The following CELF2 variants were observed in gnomAD, a reference collection of about 807,000 sequenced individuals.
CELF2 encodes CUG triplet repeat RNA-binding protein 2.
In CELF2, 8 loss-of-function variants were observed where a neutral mutation model predicts 62.6. That is an observed-to-expected ratio of 0.13 (90% CI 0.07 to 0.23). The LOEUF is 0.23. Ranked by LOEUF, CELF2 falls within the 10% of genes least tolerant of loss-of-function variation. CELF2 has a pLI of 1.00. For synonymous variants in CELF2, 258 were observed against 250.0 expected, an observed-to-expected ratio of 1.03 and a Z score of -0.30; for missense variants, 333 against 671.0, an observed-to-expected ratio of 0.50 and a Z score of 5.56.
rs1046880086 is a variant in CELF2, at chr10:11,223,276, T to C, written c.354+5769T>C. ...GAGCTTCCTGAGCCATGAGGAAACA[T>C]GCCTCAAAAGGCACTGTGTCTGCCT... On this transcript the variant is annotated intron_variant, in intron 3 of 12. Transcript: ENST00000633077. This position sits in a 1 kb window ranked among gnomAD's most constrained non-coding sequence, Gnocchi z 5.1. Among the ~76,000 whole-genome samples, 3 of 152,220 alleles carry C rather than the reference T, an allele frequency of 2.0e-5. No individual in the cohort carries two copies. The highest frequency in any genetic ancestry group is 4.8e-5 in the African/African-American group (2 of 41,450).
chr10:11,033,345 C>T (rs1448863671), intron 1 of CELF2, among the ~76,000 whole-genome samples: 1 of 152,012 alleles, frequency 6.6e-6, no homozygotes, highest in East Asian at 1.9e-4. Context: ...GCAACTTCCA[C>T]CCCCCAGGTT....
rs149808364 is a variant in CELF2, at chr10:11,026,139, C to G, written c.74+7976C>G. Reference sequence around the variant, plus strand: ...TGTTTTCTTGTTATGCAGACACATACGGTCCTCCGCGGACCACACCCCCTA... The same window carrying G: ...TGTTTTCTTGTTATGCAGACACATAGGGTCCTCCGCGGACCACACCCCCTA... On this transcript the variant is annotated intron_variant, in intron 1 of 12. Transcript: ENST00000633077. Among the ~76,000 whole-genome samples the G allele has an allele frequency of 2.0e-5, 3 of 152,320 alleles. No homozygotes were observed. The South Asian group carries it at 6.2e-4, about 32-fold the overall frequency.
the CELF2 span, among the ~76,000 whole-genome samples, chr10:10,532,212 C>T: frequency 3.3e-5 from 5 of 152,216 alleles, no homozygotes; most frequent in Non-Finnish European, 5.9e-5. Context: ...TTTGACGCTA[C>T]TGTAAAACTC....
intron 1 of CELF2, among the ~76,000 whole-genome samples, chr10:11,041,527 T>C (rs1593809199): frequency 6.6e-6 from 1 of 152,206 alleles, no homozygotes; most frequent in Non-Finnish European, 1.5e-5. Flanking sequence ...TCTTTTGTAA[T>C]GAGGATGAAA....
chr10:10,565,271 A>T, the CELF2 span, among the ~76,000 whole-genome samples: 1 of 152,220 alleles, frequency 6.6e-6, no homozygotes, highest in Non-Finnish European at 1.5e-5. Context: ...TTTTCCAGAA[A>T]ATGTTAAGAG....
At position 11,328,413 on chromosome 10, in the gene CELF2, C is replaced by G. The variant is rs1276366097; in HGVS notation, c.1439-513C>G. On this transcript the variant is annotated intron_variant, in intron 12 of 12. Coordinates refer to ENST00000633077, the MANE Select transcript of CELF2 (RefSeq NM_001326342.2). This position sits in a 1 kb window ranked among gnomAD's most constrained non-coding sequence, Gnocchi z 6.4. Reference sequence around the variant, plus strand: ...TCTGTGTGACAGACGATGGAGAGCTCGAGTGACAGGCTGGGGCTTGGCAGT... The same window carrying G: ...TCTGTGTGACAGACGATGGAGAGCTGGAGTGACAGGCTGGGGCTTGGCAGT... 6.6e-6 allele frequency among the ~76,000 whole-genome samples: 1 copy of G among 152,024 alleles called. No individual in the cohort carries two copies. The highest frequency in any genetic ancestry group is 1.5e-5 in the Non-Finnish European group (1 of 67,998).
chr10:10,656,198 A>G, the CELF2 span, among the ~76,000 whole-genome samples: 91 of 149,186 alleles, frequency 6.1e-4, 1 homozygote, highest in African/African-American at 1.8e-3. Context: ...TTAGAATGAC[A>G]ATCATTAAAA....
At chr10:10,542,969 T>C in the CELF2 span, among the ~76,000 whole-genome samples, 1 of 152,228 alleles carries the variant, frequency 6.6e-6, no homozygotes, top group African/African-American at 2.4e-5. Context: ...TTTCAGTCTC[T>C]CAGGCAGAAG....
intron 4 of CELF2, among the ~76,000 whole-genome samples, chr10:11,252,189 G>A (rs1223075843): frequency 1.3e-5 from 2 of 152,236 alleles, no homozygotes; most frequent in Admixed American, 1.3e-4. Flanking sequence ...TCTAAAGCGA[G>A]TGATAAAAGC....
the CELF2 span, among the ~76,000 whole-genome samples, chr10:10,774,099 G>T: frequency 6.6e-6 from 1 of 152,164 alleles, no homozygotes; most frequent in Admixed American, 6.6e-5. Context: ...ATGCTGCCTG[G>T]TAACTTCCTT....
intron 1 of CELF2, among the ~76,000 whole-genome samples, chr10:11,141,471 A>G (rs1350373591): frequency 6.6e-6 from 1 of 152,232 alleles, no homozygotes; most frequent in Non-Finnish European, 1.5e-5. Flanking sequence ...AAAGGCTTGA[A>G]GAGTACCTAC....
chr10:10,906,717 C>CTTTTTTTTTTT (rs397846553), intron 1 of CELF2, among the ~76,000 whole-genome samples: 52 of 109,268 alleles, frequency 4.8e-4, no homozygotes, highest in African/African-American at 7.1e-4. Flanking sequence ...TTTTTCTTTT[C>CTTTTTTTTTTT]TTTTTTTTTT....
chr10:11,320,488 T>C (rs1227540092), intron 10 of CELF2, among the ~76,000 whole-genome samples: 1 of 152,142 alleles, frequency 6.6e-6, no homozygotes. Flanking sequence ...ACCGAACGAG[T>C]AGCTTCAGCT....
rs988863644 is a variant in CELF2 at position 11,290,058 on chromosome 10, G to A, written c.976+1506G>A. On this transcript the variant is annotated intron_variant, in intron 9 of 12. Transcript: ENST00000633077. The surrounding 1 kb of genome is among the most constrained non-coding windows in gnomAD (Gnocchi z 4.3). The stretch of plus-strand genomic sequence containing the variant: ...TCTTCAGTCCAAAGGAGGCTTGACA[G>A]TTTAAGAAGCCAAATGCAGAAGCAG... Among the ~76,000 whole-genome samples the A allele has an allele frequency of 6.6e-6, 1 of 152,188 alleles. No homozygotes were observed. Among genetic ancestry groups the A allele is most frequent in the Non-Finnish European group, 1.5e-5 (1 of 68,034 alleles).
intron 1 of CELF2, among the ~76,000 whole-genome samples, chr10:11,021,934 C>T (rs1216034907): frequency 2.0e-5 from 3 of 152,144 alleles, no homozygotes; most frequent in Non-Finnish European, 4.4e-5. Flanking sequence ...GATTCCAATT[C>T]GGTTATTCCA....
Position 11,046,626 on chromosome 10 carries a change from T to A in CELF2, c.74+28463T>A, listed in dbSNP as rs2062900113. Among the ~76,000 whole-genome samples the A allele has an allele frequency of 6.6e-6, 1 of 152,126 alleles. No individual in the cohort carries two copies. The highest frequency in any genetic ancestry group is 2.1e-4 in the South Asian group (1 of 4,820). ...TTCATAGACTCCAAGGTTCTCCTCA[T>A]TTACCCTTTCTTTTCCTAACTCATT... On this transcript the variant is annotated intron_variant, in intron 1 of 12. Transcript: ENST00000633077. This position sits in a 1 kb window ranked among gnomAD's most constrained non-coding sequence, Gnocchi z 4.6.
the CELF2 span, among the ~76,000 whole-genome samples, chr10:10,725,246 T>A: frequency 6.6e-6 from 1 of 152,208 alleles, no homozygotes; most frequent in Non-Finnish European, 1.5e-5. Flanking sequence ...ATAATATAAC[T>A]ACATCAGTAA....
intron 2 of CELF2, among the ~76,000 whole-genome samples, chr10:11,189,077 AT>A (rs1470218586): frequency 6.6e-6 from 1 of 152,052 alleles, no homozygotes; most frequent in African/African-American, 2.4e-5. Flanking sequence ...CTGTATGATT[AT>A]TTTCTACTTC....
rs1217196287 is a variant in CELF2 at position 11,330,746 on chromosome 10, ATTTT to A, written c.*1698_*1701del. On this transcript the variant is annotated 3_prime_UTR_variant, in exon 13 of 13. Coordinates refer to ENST00000633077, the MANE Select transcript of CELF2 (RefSeq NM_001326342.2). The surrounding 1 kb of genome is among the most constrained non-coding windows in gnomAD (Gnocchi z 4.5). ...CCTGTGGCAAAAACGTTTCTTTCTT[ATTTT>A]TTTTCTTTTCCTAAAACAGACTTGA... 1 of 152,300 alleles carries A rather than the reference ATTTT, an allele frequency of 6.6e-6. No homozygotes were observed. Among genetic ancestry groups the A allele is most frequent in the Non-Finnish European group, 1.5e-5 (1 of 67,940 alleles). The allele number at this position is 152,300 out of a possible 1,614,324, so 9.4% of individuals were successfully genotyped here.
Sources: allele counts gnomAD v4.1 joint callset (sites outside exome capture counted in the v4.1 genomes callset), GRCh38; gene constraint gnomAD v4.1.1; non-coding constraint Gnocchi (gnomAD v3.1); transcripts MANE v1.5; gene names NCBI Gene and HGNC (gene_info 2026-07-23, HGNC 2026-07-21).